CELSR1: variants seen among roughly 807,000 people sequenced by gnomAD.
The protein encoded by CELSR1 is cadherin EGF LAG seven-pass G-type receptor 1.
CELSR1 carries 110 observed loss-of-function variants against 249.1 expected under a neutral mutation model. The ratio of observed to expected loss-of-function variants is 0.44; its 90% CI spans 0.38 to 0.52. The LOEUF (loss-of-function observed/expected upper bound fraction) is 0.52, where lower values mean the gene tolerates loss of function less well. Ranked by LOEUF, CELSR1 falls within the 20% of genes least tolerant of loss-of-function variation. The pLI is 0.00. For missense variants in CELSR1, 4,109 were observed against 4,296.4 expected, an observed-to-expected ratio of 0.96 and a Z score of 1.22; for synonymous variants, 2,113 against 1,900.0, an observed-to-expected ratio of 1.11 and a Z score of -2.92.
chr22:46,457,353 GAAA>G (rs1228106463), intron 2 of CELSR1, among the ~76,000 whole-genome samples: 1 of 151,850 alleles, frequency 6.6e-6, no homozygotes, highest in African/African-American at 2.4e-5. Flanking sequence ...CGGGGGCGGG[GAAA>G]AAGATTATTC....
In CELSR1 at chr22:46,365,665, G is replaced by T; in HGVS notation, c.8325C>A (p.Gly2775=). 1.3e-6 allele frequency: 2 copies of T among 1,583,034 alleles called. No homozygotes were observed. Among genetic ancestry groups the T allele is most frequent in the South Asian group, 1.2e-5 (1 of 86,586 alleles). Residue 2775 remains glycine (G), a synonymous_variant, in exon 31 of 35, where the codon GGC becomes GGA. Transcript: ENST00000674500. ...IVRDEGIQKL[G]VSSGLVRGSH... ...TGCCCCTCACCAGCCCAGAGGACACGCCGAGCTTCTGGATCCCTTCATCCC... is the reference window on the plus strand; with the variant it reads ...TGCCCCTCACCAGCCCAGAGGACACTCCGAGCTTCTGGATCCCTTCATCCC...
Position 46,428,381 on chromosome 22 carries a change from G to A in CELSR1, c.4611+5012C>T. On this transcript the variant is annotated intron_variant, in intron 5 of 34. Transcript: ENST00000674500. The surrounding 1 kb of genome is among the most constrained non-coding windows in gnomAD (Gnocchi z 5.7). Reference sequence around the variant, plus strand: ...AGCACAGCATCGTCCCCGGCCAGGTGACGGATGCCGAGTGCCCCTTGGAGA... The same window carrying A: ...AGCACAGCATCGTCCCCGGCCAGGTAACGGATGCCGAGTGCCCCTTGGAGA... 6.6e-6 allele frequency among the ~76,000 whole-genome samples: 1 copy of A among 152,228 alleles called. No individual in the cohort carries two copies. Among genetic ancestry groups the A allele is most frequent in the Non-Finnish European group, 1.5e-5 (1 of 68,028 alleles).
In CELSR1 at chr22:46,413,831, G is replaced by A. The variant is rs1399560019; in HGVS notation, c.4612-2072C>T. On this transcript the variant is annotated intron_variant, in intron 5 of 34. Coordinates refer to ENST00000674500, the MANE Select transcript of CELSR1 (RefSeq NM_001378328.1). The surrounding 1 kb of genome is among the most constrained non-coding windows in gnomAD (Gnocchi z 4.7). ...TATGGGACGCTTAAATGTGAGATGC[G>A]ATCCCAGGGAAAGGAGAACCTCCCC... is the stretch of plus-strand genomic sequence containing the variant. 2.6e-5 allele frequency among the ~76,000 whole-genome samples: 4 copies of A among 152,170 alleles called. No individual in the cohort carries two copies. Among genetic ancestry groups the A allele is most frequent in the East Asian group, 1.9e-4 (1 of 5,188 alleles).
At position 46,391,921 on chromosome 22, in the gene CELSR1, G is replaced by T. The variant is rs1339456552; in HGVS notation, c.5965-105C>A. ...TCCAGACTCCCACCCGGGTGTGTGT[G>T]TTGGCCGCCAGCCATCCCACCCCTC... On this transcript the variant is annotated intron_variant, in intron 14 of 34. Transcript: ENST00000674500. This position sits in a 1 kb window ranked among gnomAD's most constrained non-coding sequence, Gnocchi z 4.3. 3 of 1,244,806 alleles carry T rather than the reference G, an allele frequency of 2.4e-6. No individual in the cohort carries two copies. The highest frequency in any genetic ancestry group is 1.6e-5 in the African/African-American group (1 of 64,438). The allele number at this position is 1,244,806 out of a possible 1,614,324, so 77.1% of individuals were successfully genotyped here.
In CELSR1 at chr22:46,434,794, C is replaced by T. The variant is rs2079638413; in HGVS notation, c.4523-1313G>A. On this transcript the variant is annotated intron_variant, in intron 4 of 34. Coordinates refer to ENST00000674500, the MANE Select transcript of CELSR1 (RefSeq NM_001378328.1). The surrounding 1 kb of genome is among the most constrained non-coding windows in gnomAD (Gnocchi z 4.9). ...GGCGGATCACTTGAGGTCAGGAGTT[C>T]AAGACCAGCCTGGCCAACACAGTGA... is the stretch of plus-strand genomic sequence containing the variant. Among the ~76,000 whole-genome samples the T allele has an allele frequency of 6.6e-6, 1 of 152,118 alleles. No homozygotes were observed. Among genetic ancestry groups the T allele is most frequent in the Non-Finnish European group, 1.5e-5 (1 of 68,020 alleles).
In CELSR1 at chr22:46,411,249, G is replaced by A. The variant is rs1019008334; in HGVS notation, c.4769+353C>T. On this transcript the variant is annotated intron_variant, in intron 6 of 34. Coordinates refer to ENST00000674500, the MANE Select transcript of CELSR1 (RefSeq NM_001378328.1). The surrounding 1 kb of genome is among the most constrained non-coding windows in gnomAD (Gnocchi z 4.2). ...AAACATAAGCCTCTGGGACCAGCTG[G>A]CTGACACAGTGCTTCACTTAACAGA... Among the ~76,000 whole-genome samples, 1 of 152,118 alleles carries A rather than the reference G, an allele frequency of 6.6e-6. No homozygotes were observed. The highest frequency in any genetic ancestry group is 1.5e-5 in the Non-Finnish European group (1 of 68,032).
chr22:46,435,013 C>T (rs1276157326), intron 4 of CELSR1, among the ~76,000 whole-genome samples: 1 of 145,512 alleles, frequency 6.9e-6, no homozygotes, highest in East Asian at 2.0e-4. Context: ...AGAACAAAAA[C>T]AAAAAAAAAA....
Position 46,536,936 on chromosome 22 carries a change from C to A in CELSR1, c.235G>T (p.Val79Phe). The change falls in exon 1 of 35, where the codon GTC (valine) becomes TTC (phenylalanine). Residue 79 changes from valine to phenylalanine, a missense_variant. Physicochemically the swap from Val to Phe is conservative, Grantham distance 50. Around this residue, in one of 7 missense-constraint regions of CELSR1, gnomAD observed 673 missense variants for 636.8 expected, o/e 1.06. Coordinates refer to ENST00000674500, the MANE Select transcript of CELSR1 (RefSeq NM_001378328.1). ...GGCAGCGGGCGCCCCGCGCCCGAGA[C>A]GCGCCGACGTCCTGCCAGCCGCCCA... The part of the protein sequence containing the change: ...RDGRLAGRRR[V>F]SGAGRPLPLQ... 8.6e-7 allele frequency: 1 copy of A among 1,163,498 alleles called. No homozygotes were observed. Among genetic ancestry groups the A allele is most frequent in the South Asian group, 3.3e-5 (1 of 29,854 alleles). The allele number at this position is 1,163,498 out of a possible 1,614,324, so 72.1% of individuals were successfully genotyped here. A position where few individuals can be genotyped will look rare whatever the true frequency, so the allele number is the denominator to read the frequency against.
rs533010002 is a variant in CELSR1 at position 46,395,894 on chromosome 22, C to T, written c.5843+711G>A. Among the ~76,000 whole-genome samples, 3 of 152,332 alleles carry T rather than the reference C, an allele frequency of 2.0e-5. No homozygotes were observed. Among genetic ancestry groups the T allele is most frequent in the South Asian group, 2.1e-4 (1 of 4,826 alleles). ...TACAGAGCCCAGAGCCCAGAGAGCA[C>T]GCTGCTGCCTGTCCTAACCACACTA... On this transcript the variant is annotated intron_variant, in intron 13 of 34. Coordinates refer to ENST00000674500, the MANE Select transcript of CELSR1 (RefSeq NM_001378328.1). This position sits in a 1 kb window ranked among gnomAD's most constrained non-coding sequence, Gnocchi z 5.5.
intron 2 of CELSR1, among the ~76,000 whole-genome samples, chr22:46,457,142 C>T (rs1259990429): frequency 6.6e-6 from 1 of 152,140 alleles, no homozygotes; most frequent in Non-Finnish European, 1.5e-5. Context: ...GTCAGGAGTT[C>T]GAGAACAGCT....
Position 46,391,537 on chromosome 22 carries a change from C to T in CELSR1, c.6148+96G>A, listed in dbSNP as rs6008793. ...CTCAGAACACGAGGGAGCCCAGGGT[C>T]CCCCAAACACCCAGCGTGCATGCAC... On this transcript the variant is annotated intron_variant, in intron 15 of 34. Transcript: ENST00000674500. The surrounding 1 kb of genome is among the most constrained non-coding windows in gnomAD (Gnocchi z 4.3). The T allele has an allele frequency of 0.18, 246,739 of 1,356,826 alleles. 32,654 individuals carry two copies. The highest frequency in any genetic ancestry group is 0.68 in the African/African-American group (46,679 of 68,810). 84.0% of individuals were successfully genotyped at this position (1,356,826 alleles called of 1,614,324 possible). A position where few individuals can be genotyped will look rare whatever the true frequency, so the allele number is the denominator to read the frequency against.
chr22:46,528,623 C>T (rs1363372664), intron 1 of CELSR1, among the ~76,000 whole-genome samples: 1 of 152,158 alleles, frequency 6.6e-6, no homozygotes, highest in East Asian at 1.9e-4. Context: ...CCATGGTGTA[C>T]TATTCCACTA....
intron 1 of CELSR1, among the ~76,000 whole-genome samples, chr22:46,486,575 G>A (rs1043453331): frequency 6.6e-6 from 1 of 150,952 alleles, no homozygotes; most frequent in African/African-American, 2.4e-5. Context: ...GGACGCAGGG[G>A]CTCACGCCTG....
At position 46,536,833 on chromosome 22, in the gene CELSR1, C is replaced by T; in HGVS notation, c.338G>A (p.Gly113Asp). 1 of 1,215,188 alleles carries T rather than the reference C, an allele frequency of 8.2e-7. No homozygotes were observed. The highest frequency in any genetic ancestry group is 2.8e-5 in the South Asian group (1 of 35,214). The allele number at this position is 1,215,188 out of a possible 1,614,324, so 75.3% of individuals were successfully genotyped here. The stretch of plus-strand genomic sequence containing the variant: ...GCAGAGCCGGGCACGGGCTCCGCAG[C>T]CGGGAAGGTGCGTGCGCGCCCGCAG... ...RRLRARTHLPGCGARARLCGT... is the reference protein window; with the variant it reads ...RRLRARTHLPDCGARARLCGT... Residue 113 changes from glycine (G) to aspartate (D), a missense_variant, in exon 1 of 35, where the codon GGC becomes GAC. By Grantham distance (94) the Gly-to-Asp change is moderately conservative. Coordinates refer to ENST00000674500, the MANE Select transcript of CELSR1 (RefSeq NM_001378328.1).
chr22:46,419,843 G>T (rs542286198), intron 5 of CELSR1, among the ~76,000 whole-genome samples: 1 of 150,798 alleles, frequency 6.6e-6, no homozygotes, highest in Non-Finnish European at 1.5e-5. Flanking sequence ...CCACGCTCAC[G>T]TGCATACCCG....
At chr22:46,404,849 A>G (rs1227188850) in intron 9 of CELSR1, among the ~76,000 whole-genome samples, 1 of 151,962 alleles carries the variant, frequency 6.6e-6, no homozygotes. Context: ...TTTTTGAGAC[A>G]GTTTCGCTCT....
intron 1 of CELSR1, among the ~76,000 whole-genome samples, chr22:46,521,110 C>T (rs1265280634): frequency 6.6e-6 from 1 of 152,198 alleles, no homozygotes; most frequent in African/African-American, 2.4e-5. Flanking sequence ...CCACATGTTG[C>T]TTATCCATTC....
chr22:46,438,262 G>T (rs566554956), intron 3 of CELSR1, among the ~76,000 whole-genome samples: 2 of 152,272 alleles, frequency 1.3e-5, no homozygotes, highest in Non-Finnish European at 2.9e-5. Context: ...AACGGAGCCC[G>T]GAGCCCACTT....
intron 9 of CELSR1, among the ~76,000 whole-genome samples, chr22:46,404,835 CT>C (rs915659659): frequency 3.3e-5 from 5 of 151,884 alleles, no homozygotes; most frequent in East Asian, 1.9e-4. Flanking sequence ...TCTATTTTGT[CT>C]TTTTTTTGAG....
Sources: allele counts gnomAD v4.1 joint callset (sites outside exome capture counted in the v4.1 genomes callset), GRCh38; gene constraint gnomAD v4.1.1; regional missense constraint gnomAD v4.1.1; non-coding constraint Gnocchi (gnomAD v3.1); transcripts MANE v1.5; gene names NCBI Gene and HGNC (gene_info 2026-07-23, HGNC 2026-07-21).